NSMCE2: variants seen among roughly 807,000 people sequenced by gnomAD.
NSMCE2 encodes E3 SUMO-protein ligase NSE2.
Under a neutral mutation model 23.8 loss-of-function variants are expected in NSMCE2, and 24 were observed. The ratio of observed to expected loss-of-function variants is 1.01; its 90% CI spans 0.73 to 1.42. NSMCE2 has a LOEUF of 1.42. Ranked by LOEUF, NSMCE2 falls within the 40% of genes most tolerant of loss-of-function variation. NSMCE2 has a pLI of 0.00. For missense variants in NSMCE2, 284 were observed against 296.5 expected (o/e 0.96, Z 0.31); for synonymous variants, 92 against 94.1 (o/e 0.98, Z 0.13).
intron 7 of NSMCE2, among the ~76,000 whole-genome samples, chr8:125,361,720 G>T (rs1479122027): frequency 6.6e-6 from 1 of 152,198 alleles, no homozygotes. Flanking sequence ...TAAACAAATA[G>T]CTGTAGGGTT....
At chr8:125,344,904 G>A (rs1232889793) in intron 5 of NSMCE2, among the ~76,000 whole-genome samples, 1 of 151,732 alleles carries the variant, frequency 6.6e-6, no homozygotes, top group African/African-American at 2.4e-5. Context: ...GAGATTTTGT[G>A]AGTCATAATT....
intron 5 of NSMCE2, among the ~76,000 whole-genome samples, chr8:125,353,987 A>C (rs1428055520): frequency 6.6e-6 from 1 of 150,604 alleles, no homozygotes; most frequent in Non-Finnish European, 1.5e-5. Flanking sequence ...GCTGGAGTGC[A>C]ATGGCATGAT....
At chr8:125,157,320 C>T (rs1387002336) in intron 4 of NSMCE2, among the ~76,000 whole-genome samples, 2 of 152,158 alleles carry the variant, frequency 1.3e-5, no homozygotes, top group Non-Finnish European at 2.9e-5. Flanking sequence ...CTGCATATGG[C>T]ATTCTACAGT....
At chr8:125,244,368 A>G (rs1277409047) in intron 5 of NSMCE2, among the ~76,000 whole-genome samples, 3 of 152,206 alleles carry the variant, frequency 2.0e-5, no homozygotes, top group South Asian at 2.1e-4. Context: ...AACTTAATCA[A>G]TATGGCTAAG....
At chr8:125,125,504 T>G (rs1460254681) in intron 3 of NSMCE2, among the ~76,000 whole-genome samples, 2 of 152,326 alleles carry the variant, frequency 1.3e-5, no homozygotes, top group East Asian at 3.9e-4. Context: ...GTGAAGGTGC[T>G]GTGATAGAAA....
chr8:125,330,497 C>T (rs1211826172), intron 5 of NSMCE2, among the ~76,000 whole-genome samples: 1 of 151,998 alleles, frequency 6.6e-6, no homozygotes, highest in African/African-American at 2.4e-5. Context: ...TTTTTGGACA[C>T]ACCATGAAGA....
At chr8:125,298,565 C>A (rs1828418604) in intron 5 of NSMCE2, among the ~76,000 whole-genome samples, 1 of 152,110 alleles carries the variant, frequency 6.6e-6, no homozygotes, top group Non-Finnish European at 1.5e-5. Flanking sequence ...TTTACTTAAA[C>A]CATCTCCACT....
intron 5 of NSMCE2, among the ~76,000 whole-genome samples, chr8:125,274,591 G>A (rs1383277616): frequency 6.6e-6 from 1 of 152,088 alleles, no homozygotes; most frequent in Non-Finnish European, 1.5e-5. Flanking sequence ...CTAGGTAGGA[G>A]AGATGCATCT....
chr8:125,150,879 G>C (rs1038523100), intron 3 of NSMCE2, among the ~76,000 whole-genome samples: 22 of 152,050 alleles, frequency 1.4e-4, no homozygotes, highest in African/African-American at 5.3e-4. Flanking sequence ...TGTAAGTAAG[G>C]GCACAGCCTG....
chr8:125,358,138 G>A (rs1290409021), intron 7 of NSMCE2, among the ~76,000 whole-genome samples: 2 of 152,104 alleles, frequency 1.3e-5, no homozygotes, highest in Non-Finnish European at 2.9e-5. Flanking sequence ...TTCAAGACCA[G>A]CCTGGCCAAC....
intron 5 of NSMCE2, among the ~76,000 whole-genome samples, chr8:125,355,409 T>G (rs547318902): frequency 6.6e-6 from 1 of 152,322 alleles, no homozygotes; most frequent in East Asian, 1.9e-4. Context: ...AGAAAGCTAC[T>G]GATCTTTTGG....
chr8:125,340,016 T>TTG (rs201912405), intron 5 of NSMCE2, among the ~76,000 whole-genome samples: 19,960 of 136,404 alleles, frequency 0.15, 2,140 homozygotes, highest in Non-Finnish European at 0.21. Flanking sequence ...TTTTTTGTTT[T>TTG]TTTTTTTTTT....
chr8:125,333,107 TCCAGACCTG>T (rs2131303209), intron 5 of NSMCE2, among the ~76,000 whole-genome samples: 1 of 152,200 alleles, frequency 6.6e-6, no homozygotes. Flanking sequence ...TGGTCCCCAC[TCCAGACCTG>T]CCGAATCAGA....
Position 125,102,325 on chromosome 8 carries a change from T to A in NSMCE2, c.-6T>A, listed in dbSNP as rs1165395960. ...TGTGTTTGAAAACTTAGGTACTAAT[T>A]TCAAGATGCCAGGACGTTCCAGTTC... On this transcript the variant is annotated 5_prime_UTR_variant, in exon 3 of 8. Coordinates refer to ENST00000287437, the MANE Select transcript of NSMCE2 (RefSeq NM_173685.4). 9.9e-6 allele frequency: 16 copies of A among 1,610,910 alleles called. No individual in the cohort carries two copies. Among genetic ancestry groups the A allele is most frequent in the Non-Finnish European group, 1.3e-5 (15 of 1,177,896 alleles).
rs577276835 is a variant in NSMCE2, at chr8:125,333,321, C to T, written c.419-23898C>T. ...AGTAGCTGGGACTGCAGGCACATGCCACCATGCCTGGGTAATTTTTTATTT... is the reference window on the plus strand; with the variant it reads ...AGTAGCTGGGACTGCAGGCACATGCTACCATGCCTGGGTAATTTTTTATTT... On this transcript the variant is annotated intron_variant, in intron 5 of 7. Coordinates refer to ENST00000287437, the MANE Select transcript of NSMCE2 (RefSeq NM_173685.4). 5.3e-5 allele frequency among the ~76,000 whole-genome samples: 8 copies of T among 151,836 alleles called. No homozygotes were observed. The East Asian group carries it at 1.4e-3, about 26-fold the overall frequency.
At chr8:125,278,554 C>T (rs765363437) in intron 5 of NSMCE2, among the ~76,000 whole-genome samples, 5 of 152,126 alleles carry the variant, frequency 3.3e-5, no homozygotes, top group Non-Finnish European at 5.9e-5. Flanking sequence ...AAAGTGCTGA[C>T]CTATTGTTTT....
At chr8:125,209,867 T>C (rs1342771343) in intron 5 of NSMCE2, among the ~76,000 whole-genome samples, 1 of 152,244 alleles carries the variant, frequency 6.6e-6, no homozygotes. Flanking sequence ...ATATCTGGAC[T>C]ATATGTTCGG....
At chr8:125,164,575 T>G (rs1033091249) in intron 4 of NSMCE2, among the ~76,000 whole-genome samples, 4 of 152,160 alleles carry the variant, frequency 2.6e-5, no homozygotes, top group Admixed American at 6.5e-5. Context: ...AGGGATTCTA[T>G]TAGAATTAAG....
intron 3 of NSMCE2, among the ~76,000 whole-genome samples, chr8:125,150,206 A>G (rs776926469): frequency 6.6e-6 from 1 of 152,028 alleles, no homozygotes; most frequent in Non-Finnish European, 1.5e-5. Flanking sequence ...GGGAGAGATT[A>G]CTTTTGGTTC....
Sources: gnomAD v4.1 joint callset for allele counts (sites outside exome capture counted in the v4.1 genomes callset) on GRCh38, gnomAD v4.1.1 for gene constraint, MANE v1.5 for transcripts, NCBI Gene and HGNC (gene_info 2026-07-23, HGNC 2026-07-21) for gene names.